Variants in IFITM10 observed in about 807,000 individuals in gnomAD.
The protein encoded by IFITM10 is interferon induced transmembrane protein 10.
IFITM10 carries 17 observed loss-of-function variants against 19.0 expected under a neutral mutation model. The observed-to-expected ratio is 0.90, with a 90% confidence interval of 0.61 to 1.34. IFITM10 has a LOEUF of 1.34. IFITM10 is among the 40% of genes most tolerant of loss of function. The pLI is 0.00. For synonymous variants in IFITM10, 148 were observed against 147.2 expected (o/e 1.01, Z -0.04); for missense variants, 306 against 319.8 (o/e 0.96, Z 0.33).
At chr11:1,746,751 G>A (rs1845655235) in intron 2 of IFITM10, 2 of 398,908 alleles carry the variant, frequency 5.0e-6, no homozygotes, top group Admixed American at 8.8e-5. Context: ...CACCCGGCAG[G>A]GCAGCTGCAT....
chr11:1,740,925 C>T (rs1213822643), intron 2 of IFITM10, among the ~76,000 whole-genome samples: 1 of 151,562 alleles, frequency 6.6e-6, no homozygotes, highest in Non-Finnish European at 1.5e-5. Flanking sequence ...CCCCTTATCC[C>T]TCCCTTGTGA....
At chr11:1,748,251 A>C in intron 1 of IFITM10, 132 bp from the exon 2 acceptor site, 2 of 694,992 alleles carry the variant, frequency 2.9e-6, no homozygotes, top group Non-Finnish European at 2.0e-6. Flanking sequence ...CCAGCCTGCC[A>C]CCTGCCTCCC....
chr11:1,750,453 G>A lies in IFITM10; in HGVS notation c.-11C>T. ...TTTTCCCTCCCTCATCTCTCTCCAAGCCCCATCCTCCCATGAAACTCCTTT... is the reference window on the plus strand; with the variant it reads ...TTTTCCCTCCCTCATCTCTCTCCAAACCCCATCCTCCCATGAAACTCCTTT... On this transcript the variant is annotated 5_prime_UTR_variant, in exon 1 of 3. Transcript: ENST00000340134. 6.5e-7 allele frequency: 1 copy of A among 1,549,882 alleles called. No individual in the cohort carries two copies. Among genetic ancestry groups the A allele is most frequent in the African/African-American group, 1.4e-5 (1 of 73,048 alleles).
Position 1,750,481 on chromosome 11 carries a change from CCT to C in IFITM10, c.-41_-40del, listed in dbSNP as rs1565016718. 6 of 1,550,114 alleles carry C rather than the reference CCT, an allele frequency of 3.9e-6. No homozygotes were observed. Among genetic ancestry groups the C allele is most frequent in the Non-Finnish European group, 5.2e-6 (6 of 1,146,736 alleles). Reference sequence around the variant, plus strand: ...CCATCCTCCCATGAAACTCCTTTCTCCTCTGCCACTCTCAACTGGCCTCCTGT... The same window carrying C: ...CCATCCTCCCATGAAACTCCTTTCTCCTGCCACTCTCAACTGGCCTCCTGT... On this transcript the variant is annotated 5_prime_UTR_variant, in exon 1 of 3. Transcript: ENST00000340134.
chr11:1,738,403 C>T (rs756263520), intron 2 of IFITM10, among the ~76,000 whole-genome samples: 3 of 152,074 alleles, frequency 2.0e-5, no homozygotes, highest in Non-Finnish European at 2.9e-5. Context: ...AAAAAGCATA[C>T]GTCGAACCGT....
In IFITM10 at chr11:1,733,049, C is replaced by G. The variant is rs1851044695; in HGVS notation, c.*2231G>C. On this transcript the variant is annotated 3_prime_UTR_variant, in exon 3 of 3. Transcript: ENST00000340134. The surrounding 1 kb of genome is among the most constrained non-coding windows in gnomAD (Gnocchi z 6.3). ...GCCCCAGGAACTAGAAGCCAGGACC[C>G]TCTCTCTTCCAAGGCCCAGCAGCCT... The G allele has an allele frequency of 6.6e-6, 1 of 152,514 alleles. No homozygotes were observed. Among genetic ancestry groups the G allele is most frequent in the African/African-American group, 2.4e-5 (1 of 41,434 alleles). The allele number at this position is 152,514 out of a possible 1,614,324, so 9.4% of individuals were successfully genotyped here.
rs894492415 is a variant in IFITM10, at chr11:1,732,427, T to C, written c.*2853A>G. 1.3e-5 allele frequency: 2 copies of C among 152,292 alleles called. No individual in the cohort carries two copies. Among genetic ancestry groups the C allele is most frequent in the African/African-American group, 4.8e-5 (2 of 41,444 alleles). The allele number at this position is 152,292 out of a possible 1,614,324, so 9.4% of individuals were successfully genotyped here. A position where few individuals can be genotyped will look rare whatever the true frequency, so the allele number is the denominator to read the frequency against. ...GGGATTGATTCTTTCGTTCGTACAATGTTTATTGAATGTCAAATGTCTGCC... is the reference window on the plus strand; with the variant it reads ...GGGATTGATTCTTTCGTTCGTACAACGTTTATTGAATGTCAAATGTCTGCC... On this transcript the variant is annotated 3_prime_UTR_variant, in exon 3 of 3. Coordinates refer to ENST00000340134, the MANE Select transcript of IFITM10 (RefSeq NM_001170820.4).
At chr11:1,742,070 G>C (rs1845575111) in intron 2 of IFITM10, among the ~76,000 whole-genome samples, 1 of 152,206 alleles carries the variant, frequency 6.6e-6, no homozygotes, top group African/African-American at 2.4e-5. Flanking sequence ...TAATTCATTA[G>C]AGCAGGCTGG....
chr11:1,743,329 AGATG>A (rs138313400), intron 2 of IFITM10, among the ~76,000 whole-genome samples: 5,267 of 139,412 alleles, frequency 0.038, 254 homozygotes, highest in African/African-American at 0.12. Flanking sequence ...GACAAACGGA[AGATG>A]GATGGATGGA....
chr11:1,735,478 G>A, intron 2 of IFITM10, 49 bp from the exon 3 acceptor site: 1 of 1,528,306 alleles, frequency 6.5e-7, no homozygotes, highest in South Asian at 1.2e-5. Context: ...AGGGAGCAGG[G>A]CCTTGGAGCA....
At chr11:1,745,906 GAC>G (rs573288646) in intron 2 of IFITM10, 6 of 141,068 alleles carry the variant, frequency 4.3e-5, no homozygotes, top group African/African-American at 1.6e-4. Flanking sequence ...GGTACATACA[GAC>G]AGTACACAGG....
chr11:1,747,697 C>T lies in IFITM10; in HGVS notation c.507G>A (p.Leu169=), dbSNP rs749478995. ...GGGAGTAGGCCAAGGCGATGAAGCC[C>T]AGGCAGCAGAAGTTGAGGTAGACGA... is the stretch of plus-strand genomic sequence containing the variant. ...FNFVYLNFCC[L]GFIALAYSLK... is the part of the protein sequence containing the mutation. The change falls in exon 2 of 3, where the codon CTG becomes CTA. Residue 169 remains leucine (L), a synonymous_variant. Transcript: ENST00000340134. 10 of 1,551,798 alleles carry T rather than the reference C, an allele frequency of 6.4e-6. No individual in the cohort carries two copies. Among genetic ancestry groups the T allele is most frequent in the South Asian group, 1.2e-5 (1 of 84,062 alleles).
chr11:1,742,327 G>A (rs1403905408), intron 2 of IFITM10, among the ~76,000 whole-genome samples: 2 of 152,064 alleles, frequency 1.3e-5, no homozygotes, highest in Non-Finnish European at 2.9e-5. Context: ...GAGAATGCAT[G>A]GCCGAAAAGT....
At chr11:1,747,619 C>T in intron 2 of IFITM10, 48 bp downstream of exon 2, 1 of 1,509,894 alleles carries the variant, frequency 6.6e-7, no homozygotes, top group South Asian at 1.2e-5. Flanking sequence ...GTCCTGCCGG[C>T]ACCACCTCTC....
chr11:1,738,416 T>A (rs970403421), intron 2 of IFITM10, among the ~76,000 whole-genome samples: 3 of 152,082 alleles, frequency 2.0e-5, no homozygotes, highest in Admixed American at 1.3e-4. Flanking sequence ...CGAACCGTCA[T>A]AAGATGGGGA....
At chr11:1,744,688 G>A (rs1845616327) in intron 2 of IFITM10, 1 of 152,498 alleles carries the variant, frequency 6.6e-6, no homozygotes, top group East Asian at 1.9e-4. Flanking sequence ...CGTGGGGGCA[G>A]GCAAGGACAC....
intron 2 of IFITM10, chr11:1,746,519 T>A (rs1419647922): frequency 5.0e-6 from 2 of 398,374 alleles, no homozygotes; most frequent in Admixed American, 4.4e-5. Context: ...CAGGGATGGA[T>A]CCGCAGGCCC....
chr11:1,738,798 C>T (rs1273003124), intron 2 of IFITM10, among the ~76,000 whole-genome samples: 4 of 151,952 alleles, frequency 2.6e-5, no homozygotes, highest in South Asian at 4.1e-4. Context: ...TGGTGGCTCA[C>T]GCCTGTAATC....
intron 2 of IFITM10, among the ~76,000 whole-genome samples, chr11:1,735,745 G>A (rs1426035461): frequency 6.6e-6 from 1 of 152,164 alleles, no homozygotes; most frequent in African/African-American, 2.4e-5. Flanking sequence ...GGGCAACTGG[G>A]TGAAGGATAT....
Sources: allele counts gnomAD v4.1 joint callset (sites outside exome capture counted in the v4.1 genomes callset), GRCh38; gene constraint gnomAD v4.1.1; non-coding constraint Gnocchi (gnomAD v3.1); transcripts MANE v1.5; gene names NCBI Gene and HGNC (gene_info 2026-07-23, HGNC 2026-07-21).